SHISA9: variants seen among roughly 807,000 people sequenced by gnomAD.
SHISA9 encodes the protein protein shisa-9.
A neutral mutation model predicts 38.0 loss-of-function variants in SHISA9; 13 were observed. That is an observed-to-expected ratio of 0.34 (90% CI 0.22 to 0.54). The LOEUF (loss-of-function observed/expected upper bound fraction) is 0.54, where lower values mean the gene tolerates loss of function less well. Ranked by LOEUF, SHISA9 falls within the 20% of genes least tolerant of loss-of-function variation. SHISA9 has a pLI of 0.91. For missense variants in SHISA9, 538 were observed against 575.8 expected (o/e 0.93, Z 0.67); for synonymous variants, 275 against 242.0 (o/e 1.14, Z -1.27).
At chr16:13,547,701 C>G in the SHISA9 span, among the ~76,000 whole-genome samples, 1 of 152,082 alleles carries the variant, frequency 6.6e-6, no homozygotes, top group Non-Finnish European at 1.5e-5. Flanking sequence ...TGGAAAAACT[C>G]TCACTGAAAA....
the SHISA9 span, among the ~76,000 whole-genome samples, chr16:13,359,935 G>C: frequency 6.6e-6 from 1 of 152,196 alleles, no homozygotes; most frequent in Non-Finnish European, 1.5e-5. Flanking sequence ...ACTCAAGAAA[G>C]CTGCCCAGGG....
chr16:13,412,198 C>T, the SHISA9 span, among the ~76,000 whole-genome samples: 1 of 152,120 alleles, frequency 6.6e-6, no homozygotes, highest in African/African-American at 2.4e-5. Context: ...ATTCTCTGCT[C>T]AATGAGAAAT....
chr16:13,409,074 A>G, the SHISA9 span, among the ~76,000 whole-genome samples: 23 of 152,332 alleles, frequency 1.5e-4, no homozygotes, highest in African/African-American at 5.3e-4. Flanking sequence ...TGAGGAGACA[A>G]GCAGACAAGT....
At chr16:13,398,395 G>A in the SHISA9 span, among the ~76,000 whole-genome samples, 37 of 152,136 alleles carry the variant, frequency 2.4e-4, no homozygotes, top group African/African-American at 7.5e-4. Context: ...CCTAACCCCC[G>A]ATGTTGTTCA....
chr16:13,021,932 A>G (rs1163929248), intron 2 of SHISA9, among the ~76,000 whole-genome samples: 1 of 152,172 alleles, frequency 6.6e-6, no homozygotes, highest in Non-Finnish European at 1.5e-5. Flanking sequence ...AAACAATAGA[A>G]ATTTATTTTC....
chr16:12,998,993 T>A (rs1438923898), intron 2 of SHISA9, among the ~76,000 whole-genome samples: 1 of 152,310 alleles, frequency 6.6e-6, no homozygotes, highest in African/African-American at 2.4e-5. Flanking sequence ...TGTCATCCAA[T>A]CAATACATAG....
chr16:13,482,414 T>C, the SHISA9 span, among the ~76,000 whole-genome samples: 65 of 152,368 alleles, frequency 4.3e-4, no homozygotes, highest in African/African-American at 1.5e-3. Context: ...CATGTGGGTT[T>C]CCTTAAATCC....
At chr16:13,537,862 A>T in the SHISA9 span, among the ~76,000 whole-genome samples, 2 of 152,240 alleles carry the variant, frequency 1.3e-5, no homozygotes, top group African/African-American at 2.4e-5. Context: ...CATAAAAATT[A>T]TGCAGAGGAA....
chr16:13,435,380 TA>T, the SHISA9 span, among the ~76,000 whole-genome samples: 3 of 152,226 alleles, frequency 2.0e-5, no homozygotes, highest in South Asian at 6.2e-4. Flanking sequence ...CAAAGTTAAA[TA>T]AAACATCAGG....
At chr16:12,933,790 G>T (rs2071491806) in intron 2 of SHISA9, among the ~76,000 whole-genome samples, 1 of 152,082 alleles carries the variant, frequency 6.6e-6, no homozygotes, top group South Asian at 2.1e-4. Context: ...GTGTTATCTA[G>T]TTAGGCACTG....
the SHISA9 span, among the ~76,000 whole-genome samples, chr16:13,545,345 C>A: frequency 6.6e-6 from 1 of 152,278 alleles, no homozygotes; most frequent in East Asian, 1.9e-4. Context: ...AAAAAGCAGA[C>A]GGAAATGCCA....
At chr16:13,098,921 A>T (rs1488618547) in intron 2 of SHISA9, among the ~76,000 whole-genome samples, 2 of 152,262 alleles carry the variant, frequency 1.3e-5, no homozygotes, top group East Asian at 1.9e-4. Context: ...GGTTGTGAAG[A>T]GTAAATAAAG....
chr16:13,343,353 A>G, the SHISA9 span, among the ~76,000 whole-genome samples: 1 of 152,138 alleles, frequency 6.6e-6, no homozygotes, highest in African/African-American at 2.4e-5. Context: ...TTTCTTTCAT[A>G]AAACTTTTAC....
the SHISA9 span, among the ~76,000 whole-genome samples, chr16:13,313,685 A>C: frequency 6.6e-6 from 1 of 152,230 alleles, no homozygotes; most frequent in East Asian, 1.9e-4. Flanking sequence ...ATTGAAGTGG[A>C]AAGGCTTGTA....
the SHISA9 span, among the ~76,000 whole-genome samples, chr16:13,477,791 C>A: frequency 6.6e-6 from 1 of 152,086 alleles, no homozygotes; most frequent in African/African-American, 2.4e-5. Flanking sequence ...ATGGTAAAAC[C>A]CCTTCTCTAT....
chr16:13,433,105 G>A, the SHISA9 span, among the ~76,000 whole-genome samples: 2 of 142,784 alleles, frequency 1.4e-5, no homozygotes, highest in Non-Finnish European at 1.5e-5. Context: ...GCTTGAAAAT[G>A]AAAAAAAAAA....
At position 13,200,798 on chromosome 16, in the gene SHISA9, A is replaced by T. The variant is rs1351685154; in HGVS notation, c.692-2596A>T. ...TTATGTTTGGCGACATTCCCATTTAACACTTGGGCTTGTGTGATGGCCCAT... is the reference window on the plus strand; with the variant it reads ...TTATGTTTGGCGACATTCCCATTTATCACTTGGGCTTGTGTGATGGCCCAT... On this transcript the variant is annotated intron_variant, in intron 2 of 4. Coordinates refer to ENST00000558583, the MANE Select transcript of SHISA9 (RefSeq NM_001145204.3). 1.5e-5 allele frequency among the ~76,000 whole-genome samples: 2 copies of T among 135,440 alleles called. 1 individual carries two copies. The highest frequency in any genetic ancestry group is 1.5e-4 in the Admixed American group (2 of 13,748). The allele number at this position is 135,440 out of a possible 152,430, so 88.9% of individuals were successfully genotyped here.
At chr16:13,001,580 G>A (rs542477644) in intron 2 of SHISA9, among the ~76,000 whole-genome samples, 1 of 152,300 alleles carries the variant, frequency 6.6e-6, no homozygotes, top group Non-Finnish European at 1.5e-5. Context: ...GATTGACTGA[G>A]GAATGGCAAA....
the SHISA9 span, among the ~76,000 whole-genome samples, chr16:13,367,984 C>T: frequency 6.6e-6 from 1 of 152,054 alleles, no homozygotes; most frequent in African/African-American, 2.4e-5. Flanking sequence ...TATACATGTG[C>T]CATGCTGGTG....
Sources: gnomAD v4.1 joint callset for allele counts (sites outside exome capture counted in the v4.1 genomes callset) on GRCh38, gnomAD v4.1.1 for gene constraint, MANE v1.5 for transcripts, NCBI Gene and HGNC (gene_info 2026-07-23, HGNC 2026-07-21) for gene names.